Variants in AGBL1 observed in about 807,000 individuals in gnomAD.
AGBL1 encodes cytosolic carboxypeptidase 4.
In AGBL1, 130 loss-of-function variants were observed where a neutral mutation model predicts 118.9. That is an observed-to-expected ratio of 1.09 (90% CI 0.95 to 1.26). The LOEUF is 1.26. Among genes scored for constraint, AGBL1 ranks in the 50% most tolerant of loss-of-function variants. The pLI, the probability that AGBL1 is intolerant of heterozygous loss-of-function variation, is 0.00. For synonymous variants in AGBL1, 555 were observed against 478.9 expected, an observed-to-expected ratio of 1.16 and a Z score of -2.08; for missense variants, 1,584 against 1,298.1, an observed-to-expected ratio of 1.22 and a Z score of -3.38.
At chr15:86,574,073 A>T (rs763148489) in intron 21 of AGBL1, among the ~76,000 whole-genome samples, 13 of 152,224 alleles carry the variant, frequency 8.5e-5, no homozygotes, top group Admixed American at 2.0e-4. Flanking sequence ...AAAGTGAGAG[A>T]CAGGGCAATG....
intron 5 of AGBL1, among the ~76,000 whole-genome samples, chr15:86,201,157 T>C (rs970859482): frequency 6.6e-6 from 1 of 152,208 alleles, no homozygotes; most frequent in Non-Finnish European, 1.5e-5. Context: ...AATATAATTT[T>C]AATAATGAAT....
chr15:86,144,301 G>A (rs896941444), intron 3 of AGBL1, among the ~76,000 whole-genome samples: 1 of 152,122 alleles, frequency 6.6e-6, no homozygotes. Context: ...ATTCGATCCA[G>A]CAATCCCGTT....
intron 21 of AGBL1, among the ~76,000 whole-genome samples, chr15:86,592,733 A>G (rs1233474438): frequency 2.0e-5 from 3 of 152,368 alleles, no homozygotes; most frequent in East Asian, 1.9e-4. Flanking sequence ...AGATCTTATC[A>G]GAATGCTGCT....
chr15:86,497,714 A>T (rs2469192), intron 18 of AGBL1, among the ~76,000 whole-genome samples: 141 of 152,020 alleles, frequency 9.3e-4, no homozygotes, highest in Non-Finnish European at 1.8e-3. Context: ...TTCCTAATGC[A>T]GACTTTCAAA....
At chr15:86,345,362 G>T (rs943248379) in intron 17 of AGBL1, among the ~76,000 whole-genome samples, 12 of 152,128 alleles carry the variant, frequency 7.9e-5, no homozygotes, top group Admixed American at 2.6e-4. Context: ...GTGCATCAGC[G>T]AGCAACATTA....
At chr15:86,738,600 G>A (rs4491477) in intron 22 of AGBL1, among the ~76,000 whole-genome samples, 92,983 of 151,910 alleles carry the variant, frequency 0.61, 28,984 homozygotes, top group Admixed American at 0.69. Flanking sequence ...CTCTTCATCC[G>A]TTACGCATTA....
chr15:86,834,194 A>C (rs947600757), intron 22 of AGBL1, among the ~76,000 whole-genome samples: 1 of 152,202 alleles, frequency 6.6e-6, no homozygotes, highest in Non-Finnish European at 1.5e-5. Flanking sequence ...AAACAAAGGT[A>C]AAAACAAGTG....
intron 22 of AGBL1, among the ~76,000 whole-genome samples, chr15:86,755,354 G>A (rs2077920561): frequency 6.6e-6 from 1 of 152,068 alleles, no homozygotes; most frequent in Admixed American, 6.6e-5. Flanking sequence ...TTACAGCTGA[G>A]TAGCGGACAG....
intron 18 of AGBL1, among the ~76,000 whole-genome samples, chr15:86,520,457 G>A (rs1315453101): frequency 5.9e-5 from 9 of 152,056 alleles, no homozygotes; most frequent in African/African-American, 1.9e-4. Context: ...TTGGGCTTCT[G>A]GTTTCAGCAC....
chr15:87,015,133 C>A (rs1018628900), intron 24 of AGBL1, among the ~76,000 whole-genome samples: 1 of 152,132 alleles, frequency 6.6e-6, no homozygotes, highest in Non-Finnish European at 1.5e-5. Context: ...CCAGGTTCTT[C>A]AAGCTTTGAA....
intron 9 of AGBL1, 98 bp from the exon 10 acceptor site, chr15:86,262,680 T>C (rs1382067512): frequency 3.7e-6 from 3 of 821,758 alleles, no homozygotes; most frequent in South Asian, 2.9e-5. Context: ...AAGAAAACCA[T>C]GTCCTAAGAT....
chr15:86,852,204 T>C (rs2079417254), intron 22 of AGBL1, among the ~76,000 whole-genome samples: 1 of 152,132 alleles, frequency 6.6e-6, no homozygotes, highest in African/African-American at 2.4e-5. Context: ...AGGCACCTTC[T>C]TCACAAGGGG....
chr15:86,345,544 G>A (rs190733969), intron 17 of AGBL1, among the ~76,000 whole-genome samples: 96 of 152,326 alleles, frequency 6.3e-4, no homozygotes, highest in Non-Finnish European at 1.1e-3. Context: ...AAGCAGTCAA[G>A]GGAGGCTTTT....
chr15:86,107,971 C>A (rs902031764), intron 1 of AGBL1, among the ~76,000 whole-genome samples: 2 of 152,148 alleles, frequency 1.3e-5, no homozygotes, highest in Non-Finnish European at 2.9e-5. Context: ...AGACAACAAC[C>A]AATTCATGCA....
chr15:86,132,654 C>T (rs551342647), intron 1 of AGBL1, among the ~76,000 whole-genome samples: 1 of 152,078 alleles, frequency 6.6e-6, no homozygotes, highest in Non-Finnish European at 1.5e-5. Flanking sequence ...AACAGAGAAC[C>T]TTTTAGGCAT....
intron 21 of AGBL1, among the ~76,000 whole-genome samples, chr15:86,590,384 A>G (rs1032045198): frequency 1.3e-5 from 2 of 152,052 alleles, no homozygotes; most frequent in African/African-American, 4.8e-5. Context: ...TGATGGTTTT[A>G]TATGGGGGCT....
chr15:86,789,451 A>G (rs781664087), intron 22 of AGBL1, among the ~76,000 whole-genome samples: 6 of 152,156 alleles, frequency 3.9e-5, no homozygotes, highest in Non-Finnish European at 7.4e-5. Flanking sequence ...TTTGCTGGAA[A>G]TTTCATGTGA....
rs546474291 is a variant in AGBL1, at chr15:86,923,336, G to T, written c.3222-64651G>T. 7.9e-5 allele frequency among the ~76,000 whole-genome samples: 12 copies of T among 152,270 alleles called. No homozygotes were observed. In the East Asian group the frequency reaches 2.3e-3, roughly 29 times the overall value. ...AATTTAGCTCACCTCTGCCTGCCTTGCCGGGCTTGTCTTCAATACACAGGG... is the reference window on the plus strand; with the variant it reads ...AATTTAGCTCACCTCTGCCTGCCTTTCCGGGCTTGTCTTCAATACACAGGG... On this transcript the variant is annotated intron_variant, in intron 23 of 24. Coordinates refer to the AGBL1 transcript ENST00000441037.
At chr15:86,107,912 C>A (rs778268124) in intron 1 of AGBL1, among the ~76,000 whole-genome samples, 2 of 152,044 alleles carry the variant, frequency 1.3e-5, no homozygotes, top group Non-Finnish European at 2.9e-5. Flanking sequence ...CATAGTAGTA[C>A]CTCATTTTTT....
Sources: allele counts gnomAD v4.1 joint callset (sites outside exome capture counted in the v4.1 genomes callset), GRCh38; gene constraint gnomAD v4.1.1; transcripts MANE v1.5; gene names NCBI Gene and HGNC (gene_info 2026-07-23, HGNC 2026-07-21).